Variants in RBFOX1 observed in about 807,000 individuals in gnomAD.
RBFOX1 encodes RNA binding fox-1 homolog 1.
A neutral mutation model predicts 57.7 loss-of-function variants in RBFOX1; 8 were observed. The ratio of observed to expected loss-of-function variants is 0.14; its 90% CI spans 0.08 to 0.25. The LOEUF is 0.25. Ranked by LOEUF, RBFOX1 falls within the 10% of genes least tolerant of loss-of-function variation. The pLI is 1.00. For missense variants in RBFOX1, 611 were observed against 548.5 expected, an observed-to-expected ratio of 1.11 and a Z score of -1.14; for synonymous variants, 326 against 222.4, an observed-to-expected ratio of 1.47 and a Z score of -4.15.
In RBFOX1 at chr16:6,560,748, T is replaced by G. The variant is rs370744945; in HGVS notation, c.-63-93855T>G. On this transcript the variant is annotated intron_variant, in intron 2 of 15. Coordinates refer to ENST00000550418, the MANE Select transcript of RBFOX1 (RefSeq NM_018723.4). ...TGCAGTTTATAGCTGTGTACTTGTG[T>G]GATTATGTGGTTGATGTCTGTCTCT... Among the ~76,000 whole-genome samples the G allele has an allele frequency of 9.8e-5, 15 of 152,294 alleles. No individual in the cohort carries two copies. In the South Asian group the frequency reaches 3.1e-3, roughly 32 times the overall value.
At chr16:6,723,129 G>A (rs182011261) in intron 3 of RBFOX1, among the ~76,000 whole-genome samples, 2 of 152,322 alleles carry the variant, frequency 1.3e-5, no homozygotes, top group Non-Finnish European at 2.9e-5. Flanking sequence ...TGTCTTGGTT[G>A]CTGATGCTCT....
At chr16:7,165,761 C>T (rs937476706) in intron 4 of RBFOX1, among the ~76,000 whole-genome samples, 3 of 151,996 alleles carry the variant, frequency 2.0e-5, no homozygotes, top group Admixed American at 6.6e-5. Context: ...TAACTTTGTT[C>T]TCCAATTCTT....
chr16:7,059,375 G>C (rs1008233066), intron 4 of RBFOX1, among the ~76,000 whole-genome samples: 1 of 152,114 alleles, frequency 6.6e-6, no homozygotes, highest in East Asian at 1.9e-4. Context: ...GCCTGCTTCT[G>C]TTCAGTTATT....
intron 3 of RBFOX1, among the ~76,000 whole-genome samples, chr16:5,811,531 A>C (rs2055432801): frequency 6.7e-6 from 1 of 148,750 alleles, no homozygotes; most frequent in African/African-American, 2.5e-5. Context: ...GCTCACCGCA[A>C]CCTCTGCCTT....
intron 1 of RBFOX1, among the ~76,000 whole-genome samples, chr16:5,447,729 A>T (rs2068293236): frequency 6.6e-6 from 1 of 152,162 alleles, no homozygotes; most frequent in Non-Finnish European, 1.5e-5. Flanking sequence ...GTGGCCTCTC[A>T]TCAGCTTCTC....
chr16:7,272,986 CCT>C (rs5815385), intron 4 of RBFOX1, among the ~76,000 whole-genome samples: 46,575 of 132,148 alleles, frequency 0.35, 9,648 homozygotes, highest in African/African-American at 0.55. Context: ...TCCGTCCCTC[CCT>C]CTCTCCCTTC....
At chr16:7,051,685 G>A (rs1408388057) in intron 3 of RBFOX1, among the ~76,000 whole-genome samples, 1 of 152,182 alleles carries the variant, frequency 6.6e-6, no homozygotes, top group African/African-American at 2.4e-5. Context: ...CATCTGGAGT[G>A]GGCCTTTATG....
chr16:7,211,830 C>T (rs1201381604), intron 4 of RBFOX1, among the ~76,000 whole-genome samples: 1 of 152,108 alleles, frequency 6.6e-6, no homozygotes, highest in Non-Finnish European at 1.5e-5. Context: ...TATCCCCCGC[C>T]CTTAGCACGA....
intron 1 of RBFOX1, among the ~76,000 whole-genome samples, chr16:6,171,712 T>G (rs370990017): frequency 1.2e-4 from 18 of 152,346 alleles, no homozygotes; most frequent in African/African-American, 4.1e-4. Flanking sequence ...AAACCCATTC[T>G]TTGGAATAGC....
intron 4 of RBFOX1, among the ~76,000 whole-genome samples, chr16:7,378,146 C>T (rs145640323): frequency 2.0e-5 from 3 of 152,214 alleles, no homozygotes; most frequent in Non-Finnish European, 2.9e-5. Flanking sequence ...CTTTGATGGG[C>T]GGCAGAGTAA....
chr16:5,585,778 A>G (rs2029175), intron 2 of RBFOX1, among the ~76,000 whole-genome samples: 45,492 of 152,118 alleles, frequency 0.3, 9,924 homozygotes, highest in African/African-American at 0.6. Context: ...GGGTGGATTC[A>G]AGAACTGCAG....
In RBFOX1 at chr16:6,806,836, A is replaced by ATATATATATATTTT. The variant is rs754342591; in HGVS notation, c.-16+152187_-16+152188insATATATATATTTTT. On this transcript the variant is annotated intron_variant, in intron 3 of 15. Transcript: ENST00000550418. ...TATATAAATATATATATATATATAT[A>ATATATATATATTTT]TTTTTTTTTTTTTTTGAGAGAAAGT... 1.5e-3 allele frequency among the ~76,000 whole-genome samples: 137 copies of ATATATATATATTTT among 91,854 alleles called. 1 individual carries two copies. The highest frequency in any genetic ancestry group is 4.7e-3 in the African/African-American group (116 of 24,598). 60.3% of individuals were successfully genotyped at this position (91,854 alleles called of 152,430 possible). A position where few individuals can be genotyped will look rare whatever the true frequency, so the allele number is the denominator to read the frequency against.
chr16:5,619,171 C>A (rs1169477527), intron 3 of RBFOX1, among the ~76,000 whole-genome samples: 1 of 152,178 alleles, frequency 6.6e-6, no homozygotes, highest in African/African-American at 2.4e-5. Flanking sequence ...GGCCTCAGCT[C>A]TAAGGCTATG....
intron 4 of RBFOX1, among the ~76,000 whole-genome samples, chr16:7,077,429 G>A (rs1218869450): frequency 6.6e-6 from 1 of 152,160 alleles, no homozygotes; most frequent in East Asian, 1.9e-4. Context: ...ACATTTATTA[G>A]CATCAAAAGC....
Position 7,582,919 on chromosome 16 carries a change from C to T in RBFOX1, c.414+2999C>T, listed in dbSNP as rs117866793. Reference sequence around the variant, plus strand: ...CTTCTTCAAACTGCCTAAAACTTGGCAGTGATCATTACAACGTCTGTAACC... The same window carrying T: ...CTTCTTCAAACTGCCTAAAACTTGGTAGTGATCATTACAACGTCTGTAACC... On this transcript the variant is annotated intron_variant, in intron 6 of 15. Transcript: ENST00000550418. Among the ~76,000 whole-genome samples the T allele has an allele frequency of 2.6e-5, 4 of 152,260 alleles. No individual in the cohort carries two copies. In the East Asian group the frequency reaches 7.7e-4, roughly 29 times the overall value.
intron 4 of RBFOX1, among the ~76,000 whole-genome samples, chr16:7,416,423 G>C (rs1054456134): frequency 1.6e-4 from 24 of 152,232 alleles, no homozygotes; most frequent in African/African-American, 5.8e-4. Context: ...TTGAGTGCCT[G>C]GGAGTCACCC....
intron 2 of RBFOX1, among the ~76,000 whole-genome samples, chr16:5,558,244 A>T (rs928482823): frequency 6.6e-6 from 1 of 152,176 alleles, no homozygotes; most frequent in African/African-American, 2.4e-5. Context: ...GAGCTGATTA[A>T]CACACAAGCT....
At chr16:5,989,857 CA>C (rs745594542) in intron 4 of RBFOX1, among the ~76,000 whole-genome samples, 16,421 of 139,270 alleles carry the variant, frequency 0.12, 1,379 homozygotes, top group East Asian at 0.46. Context: ...CACACACACA[CA>C]CACACACACA....
chr16:6,411,837 C>A (rs1440121295), intron 2 of RBFOX1, among the ~76,000 whole-genome samples: 8 of 152,110 alleles, frequency 5.3e-5, no homozygotes, highest in Admixed American at 3.3e-4. Flanking sequence ...ATAAAACAAT[C>A]AAAACATGGC....
Sources: allele counts gnomAD v4.1 joint callset (sites outside exome capture counted in the v4.1 genomes callset), GRCh38; gene constraint gnomAD v4.1.1; transcripts MANE v1.5; gene names NCBI Gene and HGNC (gene_info 2026-07-23, HGNC 2026-07-21).